The following NFIB variants were observed in gnomAD, a reference collection of about 807,000 sequenced individuals.
NFIB encodes nuclear factor I B.
A neutral mutation model predicts 61.5 loss-of-function variants in NFIB; 11 were observed. The observed-to-expected ratio is 0.18, with a 90% CI of 0.11 to 0.30. The LOEUF is 0.30. Ranked by LOEUF, NFIB falls within the 10% of genes least tolerant of loss-of-function variation. NFIB has a pLI of 1.00. For missense variants in NFIB, 471 were observed against 608.9 expected, an observed-to-expected ratio of 0.77 and a Z score of 2.38; for synonymous variants, 260 against 216.5, an observed-to-expected ratio of 1.20 and a Z score of -1.76.
chr9:14,334,802 T>A (rs898976345), intron 1 of NFIB, among the ~76,000 whole-genome samples: 11 of 152,220 alleles, frequency 7.2e-5, no homozygotes, highest in African/African-American at 2.4e-4. Flanking sequence ...AACATTTCTA[T>A]TACCTCTAAA....
At chr9:14,344,859 GAAC>G (rs1377836889) in intron 1 of NFIB, among the ~76,000 whole-genome samples, 2 of 152,106 alleles carry the variant, frequency 1.3e-5, no homozygotes, top group African/African-American at 4.8e-5. Context: ...TTTCAAAAAA[GAAC>G]AACATAGCCA....
At chr9:14,203,627 G>C (rs949260964) in intron 2 of NFIB, among the ~76,000 whole-genome samples, 1 of 152,170 alleles carries the variant, frequency 6.6e-6, no homozygotes, top group Admixed American at 6.5e-5. Context: ...CTGAAATGTC[G>C]CCGGCCTGGG....
the NFIB span, among the ~76,000 whole-genome samples, chr9:14,478,554 T>A: frequency 3.3e-5 from 5 of 152,220 alleles, no homozygotes; most frequent in Non-Finnish European, 7.3e-5. Flanking sequence ...TGGGTATTGT[T>A]ATATTTTACA....
chr9:14,334,810 A>C (rs995103916), intron 1 of NFIB, among the ~76,000 whole-genome samples: 1 of 152,206 alleles, frequency 6.6e-6, no homozygotes, highest in Admixed American at 6.5e-5. Context: ...TATTACCTCT[A>C]AAAATGTTTA....
intron 1 of NFIB, among the ~76,000 whole-genome samples, chr9:14,319,960 C>T (rs946791935): frequency 6.6e-6 from 1 of 152,152 alleles, no homozygotes; most frequent in Non-Finnish European, 1.5e-5. Context: ...AACTTTATCT[C>T]TGAGTGTATC....
At chr9:14,227,476 A>G (rs2052576846) in intron 2 of NFIB, among the ~76,000 whole-genome samples, 1 of 152,252 alleles carries the variant, frequency 6.6e-6, no homozygotes, top group Non-Finnish European at 1.5e-5. Flanking sequence ...ATCTCTCCAT[A>G]GACTTGAAAT....
Position 14,086,131 on chromosome 9 carries a change from G to T in NFIB, c.*2178C>A. On this transcript the variant is annotated 3_prime_UTR_variant, in exon 11 of 11. Transcript: ENST00000380953. ...TGGGAAGTTAGAGAGGGGAACCTGT[G>T]TAAGTTGAAGTTTGTCACAGTAGGC... The T allele has an allele frequency of 4.5e-6, 1 of 224,614 alleles. No individual in the cohort carries two copies. The highest frequency in any genetic ancestry group is 8.9e-6 in the Non-Finnish European group (1 of 112,206). The allele number at this position is 224,614 out of a possible 1,614,324, so 13.9% of individuals were successfully genotyped here. A position where few individuals can be genotyped will look rare whatever the true frequency, so the allele number is the denominator to read the frequency against.
chr9:14,451,524 C>T, the NFIB span, among the ~76,000 whole-genome samples: 3 of 152,050 alleles, frequency 2.0e-5, no homozygotes, highest in African/African-American at 7.2e-5. Context: ...AAGGTAAGCA[C>T]TTAAAAAAAC....
chr9:14,269,257 A>C (rs10961455), intron 2 of NFIB, among the ~76,000 whole-genome samples: 5,845 of 152,274 alleles, frequency 0.038, 301 homozygotes, highest in East Asian at 0.13. Flanking sequence ...AGCATTTGCC[A>C]ATAAAAAGAC....
intron 3 of NFIB, among the ~76,000 whole-genome samples, chr9:14,176,403 GCTAT>G (rs1363422756): frequency 6.6e-6 from 1 of 152,110 alleles, no homozygotes; most frequent in Non-Finnish European, 1.5e-5. Context: ...GTCCTTGGGT[GCTAT>G]CTGAGTTGTA....
chr9:14,219,661 T>A (rs1202312507), intron 2 of NFIB, among the ~76,000 whole-genome samples: 1 of 152,166 alleles, frequency 6.6e-6, no homozygotes, highest in Non-Finnish European at 1.5e-5. Flanking sequence ...TTTTACTAAA[T>A]GGTGAGCAAT....
chr9:14,202,314 A>G (rs73645010), intron 2 of NFIB, among the ~76,000 whole-genome samples: 99 of 152,370 alleles, frequency 6.5e-4, no homozygotes, highest in African/African-American at 2.3e-3. Flanking sequence ...CAGCTATTGC[A>G]GCATGAAATA....
At chr9:14,361,087 C>T (rs564649337) in intron 1 of NFIB, among the ~76,000 whole-genome samples, 27 of 152,020 alleles carry the variant, frequency 1.8e-4, no homozygotes, top group South Asian at 6.2e-4. Flanking sequence ...TTTTGTCACC[C>T]ATAATCCTGT....
chr9:14,259,949 C>T (rs182054181), intron 2 of NFIB, among the ~76,000 whole-genome samples: 46 of 152,230 alleles, frequency 3.0e-4, no homozygotes, highest in Middle Eastern at 3.4e-3. Flanking sequence ...TGGTGAAAAA[C>T]AGATATTTTA....
chr9:14,226,891 G>A (rs183470236), intron 2 of NFIB, among the ~76,000 whole-genome samples: 5 of 152,066 alleles, frequency 3.3e-5, no homozygotes, highest in African/African-American at 1.2e-4. Flanking sequence ...TGTAATCCCG[G>A]CACTTTGGGA....
the NFIB span, among the ~76,000 whole-genome samples, chr9:14,504,579 AT>A: frequency 6.6e-6 from 1 of 151,644 alleles, no homozygotes; most frequent in African/African-American, 2.4e-5. Flanking sequence ...TATTTTATTT[AT>A]TTTTTTGCAG....
upstream of NFIB, among the ~76,000 whole-genome samples, chr9:14,315,153 G>A (rs1588291107): frequency 6.6e-6 from 1 of 151,892 alleles, no homozygotes; most frequent in Non-Finnish European, 1.5e-5. Flanking sequence ...TGGACCAGGG[G>A]GGTGCGGCGC....
chr9:14,315,853 G>C (rs1233068268), upstream of NFIB, among the ~76,000 whole-genome samples: 1 of 151,800 alleles, frequency 6.6e-6, no homozygotes, highest in Non-Finnish European at 1.5e-5. Flanking sequence ...AGCGCCTGGG[G>C]CTCCGAGTCT....
chr9:14,494,012 CTCT>C, the NFIB span, among the ~76,000 whole-genome samples: 2 of 152,178 alleles, frequency 1.3e-5, no homozygotes, highest in Non-Finnish European at 2.9e-5. Flanking sequence ...GGAAACGTAT[CTCT>C]TCTTCAAAAA....
Sources: allele counts gnomAD v4.1 joint callset (sites outside exome capture counted in the v4.1 genomes callset), GRCh38; gene constraint gnomAD v4.1.1; transcripts MANE v1.5; gene names NCBI Gene and HGNC (gene_info 2026-07-23, HGNC 2026-07-21).